PEG3: variants seen among roughly 807,000 people sequenced by gnomAD.
PEG3 encodes the protein paternally-expressed gene 3 protein.
Under a neutral mutation model 35.5 loss-of-function variants are expected in PEG3, and 23 were observed. The ratio of observed to expected loss-of-function variants is 0.65; its 90% CI spans 0.47 to 0.92. The LOEUF is 0.92. Ranked by LOEUF, PEG3 falls within the 40% of genes least tolerant of loss-of-function variation. The probability of loss-of-function intolerance (pLI) is 0.00; values close to 1 mark genes in which losing one functional copy is unlikely to be tolerated. For missense variants in PEG3, 1,960 were observed against 1,985.3 expected (o/e 0.99, Z 0.24); for synonymous variants, 707 against 697.0 (o/e 1.01, Z -0.23).
chr19:56,820,577 C>A (rs551102646), intron 7 of PEG3, among the ~76,000 whole-genome samples: 1 of 152,354 alleles, frequency 6.6e-6, no homozygotes, highest in East Asian at 1.9e-4. Flanking sequence ...CTCCCTAATG[C>A]CTGGGGTCCC....
chr19:56,814,073 C>G lies in PEG3; in HGVS notation c.4369G>C (p.Gly1457Arg), dbSNP rs992715473. The change falls in exon 10 of 10, where the codon GGT becomes CGT. Residue 1457 changes from glycine to arginine, a missense_variant. By Grantham distance (125) the Gly-to-Arg change is moderately radical. Around this residue, in one of 5 missense-constraint regions of PEG3, gnomAD observed 416 missense variants for 416.7 expected, o/e 1.00. Coordinates refer to ENST00000326441, the MANE Select transcript of PEG3 (RefSeq NM_006210.3). The surrounding 1 kb of genome is among the most constrained non-coding windows in gnomAD (Gnocchi z 5.8). ...NGDADEPDGAGIEDPEERAEE... is the reference protein window; with the variant it reads ...NGDADEPDGARIEDPEERAEE... The stretch of plus-strand genomic sequence containing the variant: ...GCTCTTTCTTCTGGGTCTTCAATAC[C>G]TGCACCATCTGGCTCATCAGCATCC... The G allele has an allele frequency of 1.2e-6, 2 of 1,614,052 alleles. No homozygotes were observed. Among genetic ancestry groups the G allele is most frequent in the Admixed American group, 3.3e-5 (2 of 60,010 alleles).
At chr19:56,836,836 C>T (rs1223497043) in intron 1 of PEG3, among the ~76,000 whole-genome samples, 3 of 151,886 alleles carry the variant, frequency 2.0e-5, no homozygotes, top group Non-Finnish European at 2.9e-5. Context: ...GGCATGGTGG[C>T]GCGCGCCTGT....
rs746943582 is a variant in PEG3, at chr19:56,817,267, CTCTT to C, written c.1171_1174del (p.Lys391GlyfsTer31). 1.2e-6 allele frequency: 2 copies of C among 1,614,036 alleles called. No individual in the cohort carries two copies. The highest frequency in any genetic ancestry group is 1.3e-5 in the African/African-American group (1 of 74,916). ...CCCATCTGTGTCAAAATGATAGCGC[CTCTT>C]TCTTTCAAGAACTCTCTTTCTGGAA... On this transcript the variant is annotated frameshift_variant, in exon 10 of 10. Transcript: ENST00000326441. LOFTEE classifies it low-confidence loss of function (END_TRUNC).
At position 56,816,411 on chromosome 19, in the gene PEG3, T is replaced by C. The variant is rs971703614; in HGVS notation, c.2031A>G (p.Lys677=). The C allele has an allele frequency of 1.2e-6, 2 of 1,614,074 alleles. No homozygotes were observed. The highest frequency in any genetic ancestry group is 1.1e-5 in the South Asian group (1 of 91,080). ...CACAGAGCTTCTCCTTATTGTAAGT[T>C]TTCTGACGCCTTTTAAGGGACTGAC... is the stretch of plus-strand genomic sequence containing the variant. The part of the protein sequence containing the change: ...IPGQSLKRRQ[K]TYNKEKLCDF... The change falls in exon 10 of 10, where the codon AAA becomes AAG. Residue 677 remains lysine (K), a synonymous_variant. Coordinates refer to ENST00000326441, the MANE Select transcript of PEG3 (RefSeq NM_006210.3).
intron 8 of PEG3, among the ~76,000 whole-genome samples, chr19:56,818,270 T>C (rs1027502102): frequency 6.6e-6 from 1 of 152,108 alleles, no homozygotes; most frequent in African/African-American, 2.4e-5. Flanking sequence ...TCCAGGAAAG[T>C]CCACATGGGA....
At position 56,812,490 on chromosome 19, in the gene PEG3, C is replaced by T. The variant is rs1427024432; in HGVS notation, c.*1185G>A. 2.2e-5 allele frequency: 22 copies of T among 984,512 alleles called. No individual in the cohort carries two copies. Among genetic ancestry groups the T allele is most frequent in the African/African-American group, 7.0e-5 (4 of 56,994 alleles). 61.0% of individuals were successfully genotyped at this position (984,512 alleles called of 1,614,324 possible). A position where few individuals can be genotyped will look rare whatever the true frequency, so the allele number is the denominator to read the frequency against. ...TAAATAACGAAGAGAATTAAGTTAG[C>T]GATAGAAAGATCTAAGGATACTAGC... On this transcript the variant is annotated 3_prime_UTR_variant, in exon 10 of 10. Transcript: ENST00000326441.
intron 1 of PEG3, among the ~76,000 whole-genome samples, chr19:56,840,291 C>A (rs916720460): frequency 1.3e-5 from 2 of 152,210 alleles, no homozygotes; most frequent in Non-Finnish European, 2.9e-5. Context: ...CCTGCAGCAG[C>A]CCCTCAGACC....
chr19:56,821,813 G>A, intron 6 of PEG3, 59 bp from the exon 7 acceptor site: 1 of 1,590,262 alleles, frequency 6.3e-7, no homozygotes, highest in Non-Finnish European at 8.6e-7. Context: ...CAGGTCCCAG[G>A]TTTGTCCCAC....
chr19:56,835,988 G>A (rs1343770338), intron 2 of PEG3, 30 bp downstream of exon 2: 1 of 506,598 alleles, frequency 2.0e-6, no homozygotes, highest in Non-Finnish European at 3.9e-6. Flanking sequence ...AAAGATGAAT[G>A]TGGCACTGTG....
chr19:56,816,768 G>A lies in PEG3; in HGVS notation c.1674C>T (p.Gly558=). 1.2e-6 allele frequency: 2 copies of A among 1,614,020 alleles called. No homozygotes were observed. Among genetic ancestry groups the A allele is most frequent in the South Asian group, 1.1e-5 (1 of 91,076 alleles). Residue 558 remains glycine, a synonymous_variant, in exon 10 of 10, where the codon GGC becomes GGT. Coordinates refer to ENST00000326441, the MANE Select transcript of PEG3 (RefSeq NM_006210.3). Reference sequence around the variant, plus strand: ...CCCTGCACTCGTAGAATTTGTCTTTGCCATATATTTTCTGAAGCTCACTAA... The same window carrying A: ...CCCTGCACTCGTAGAATTTGTCTTTACCATATATTTTCTGAAGCTCACTAA... ...PTFSELQKIY[G]KDKFYECRVC...
chr19:56,836,033 T>A lies in PEG3; in HGVS notation c.-178A>T, dbSNP rs750773551. On this transcript the variant is annotated 5_prime_UTR_variant, in exon 2 of 10. Transcript: ENST00000326441. ...TTCAACTCACCTGGACCCAGCCACCTAGCGTTTGGACCTAGTCCCTCTTCC... is the reference window on the plus strand; with the variant it reads ...TTCAACTCACCTGGACCCAGCCACCAAGCGTTTGGACCTAGTCCCTCTTCC... 1 of 511,960 alleles carries A rather than the reference T, an allele frequency of 2.0e-6. No homozygotes were observed. The highest frequency in any genetic ancestry group is 3.9e-6 in the Non-Finnish European group (1 of 256,744). 31.7% of individuals were successfully genotyped at this position (511,960 alleles called of 1,614,324 possible).
chr19:56,836,895 G>A (rs1332396952), intron 1 of PEG3, among the ~76,000 whole-genome samples: 1 of 150,708 alleles, frequency 6.6e-6, no homozygotes, highest in Non-Finnish European at 1.5e-5. Context: ...ACTTGAACCC[G>A]GGAGGCAGAG....
chr19:56,822,746 G>A lies in PEG3; in HGVS notation c.565+7C>T. ...TCCTACTGGGAAAGAAAGTGGTTAA[G>A]ACTCACTGCTTCTTGGGTTCCTGGT... is the stretch of plus-strand genomic sequence containing the variant. On this transcript the variant is annotated splice_region_variant and intron_variant, in intron 6 of 9. Transcript: ENST00000326441. The A allele has an allele frequency of 3.1e-6, 5 of 1,613,970 alleles. No homozygotes were observed. The highest frequency in any genetic ancestry group is 4.2e-6 in the Non-Finnish European group (5 of 1,179,972).
At chr19:56,833,143 T>C in intron 2 of PEG3, 1 of 517,164 alleles carries the variant, frequency 1.9e-6, no homozygotes, top group South Asian at 1.4e-5. Context: ...GAAGAAATCC[T>C]GTGACTCCGG....
chr19:56,816,747 G>A lies in PEG3; in HGVS notation c.1695C>T (p.Cys565=), dbSNP rs1441593022. 6.2e-7 allele frequency: 1 copy of A among 1,613,950 alleles called. No homozygotes were observed. Among genetic ancestry groups the A allele is most frequent in the African/African-American group, 1.3e-5 (1 of 74,888 alleles). The change falls in exon 10 of 10, where the codon TGC becomes TGT. Residue 565 remains cysteine (C), a synonymous_variant. Transcript: ENST00000326441. The stretch of plus-strand genomic sequence containing the variant: ...GAAGGAAGGTTTCCTTACACACCCT[G>A]CACTCGTAGAATTTGTCTTTGCCAT... The part of the protein sequence containing the change: ...KIYGKDKFYE[C]RVCKETFLHS...
Position 56,813,932 on chromosome 19 carries a change from A to G in PEG3, c.4510T>C (p.Tyr1504His), listed in dbSNP as rs1350200412. 2.5e-6 allele frequency: 4 copies of G among 1,614,012 alleles called. No individual in the cohort carries two copies. Among genetic ancestry groups the G allele is most frequent in the African/African-American group, 1.3e-5 (1 of 74,914 alleles). Residue 1504 changes from tyrosine (Y) to histidine (H), a missense_variant, in exon 10 of 10, where the codon TAC becomes CAC. Tyr to His is a moderately conservative substitution (Grantham distance 83). Around this residue, in one of 5 missense-constraint regions of PEG3, gnomAD observed 416 missense variants for 416.7 expected, o/e 1.00. Transcript: ENST00000326441. ...TCTGTGCATTCATGGCAGTCATAGT[A>G]TGGTTCTTCTACCTGAATCTCTTGA... The part of the protein sequence containing the change: ...EDQEIQVEEP[Y>H]YDCHECTETF...
intron 4 of PEG3, 91 bp from the exon 5 acceptor site, chr19:56,823,770 G>A: frequency 7.0e-7 from 1 of 1,426,730 alleles, no homozygotes; most frequent in Non-Finnish European, 9.9e-7. Flanking sequence ...CCCTGTCACA[G>A]ACACACATGG....
chr19:56,817,259 G>T lies in PEG3; in HGVS notation c.1183C>A (p.His395Asn), dbSNP rs754821615. The change falls in exon 10 of 10, where the codon CAT becomes AAT. Residue 395 changes from histidine (H) to asparagine (N), a missense_variant. Around this residue, in one of 5 missense-constraint regions of PEG3, gnomAD observed 613 missense variants for 577.1 expected, o/e 1.06. Transcript: ENST00000326441. ...KRVLERKRRY[H>N]FDTDGKGSIH... The stretch of plus-strand genomic sequence containing the variant: ...GAGCCCTTCCCATCTGTGTCAAAAT[G>T]ATAGCGCCTCTTTCTTTCAAGAACT... 1.2e-6 allele frequency: 2 copies of T among 1,614,114 alleles called. No individual in the cohort carries two copies. Among genetic ancestry groups the T allele is most frequent in the South Asian group, 2.2e-5 (2 of 91,080 alleles).
chr19:56,838,411 G>A (rs577346608), intron 1 of PEG3, among the ~76,000 whole-genome samples: 3 of 152,318 alleles, frequency 2.0e-5, no homozygotes, highest in East Asian at 1.9e-4. Flanking sequence ...GGGCAGTGGA[G>A]GTGAGGGTGC....
Sources: gnomAD v4.1 joint callset for allele counts (sites outside exome capture counted in the v4.1 genomes callset) on GRCh38, gnomAD v4.1.1 for gene constraint, gnomAD v4.1.1 regional missense constraint, Gnocchi (gnomAD v3.1) non-coding constraint, MANE v1.5 for transcripts, NCBI Gene and HGNC (gene_info 2026-07-23, HGNC 2026-07-21) for gene names.